The following CACNA1E variants were observed in gnomAD, a reference collection of about 807,000 sequenced individuals.
The protein encoded by CACNA1E is voltage-dependent R-type calcium channel subunit alpha-1E.
In CACNA1E, 40 loss-of-function variants were observed where a neutral mutation model predicts 259.2. The ratio of observed to expected loss-of-function variants is 0.15; its 90% CI spans 0.12 to 0.20. The LOEUF is 0.20. CACNA1E is among the 10% of genes least tolerant of loss of function. The pLI, the probability that CACNA1E is intolerant of heterozygous loss-of-function variation, is 1.00. For missense variants in CACNA1E, 1,874 were observed against 3,040.1 expected (o/e 0.62, Z 9.02); for synonymous variants, 1,104 against 1,138.5 (o/e 0.97, Z 0.61).
chr1:181,348,897 A>G (rs1390055323), intron 1 of CACNA1E, among the ~76,000 whole-genome samples: 2 of 152,136 alleles, frequency 1.3e-5, no homozygotes, highest in African/African-American at 2.4e-5. Context: ...TGAAGGCACA[A>G]TGGGATGTGG....
chr1:181,511,017 A>C (rs756770093), intron 2 of CACNA1E, among the ~76,000 whole-genome samples: 5 of 152,246 alleles, frequency 3.3e-5, no homozygotes, highest in Non-Finnish European at 7.3e-5. Context: ...CAAACTGCCT[A>C]AAATTCACGT....
intron 22 of CACNA1E, 25 bp from the exon 23 acceptor site, chr1:181,737,500 G>T: frequency 6.2e-7 from 1 of 1,612,782 alleles, no homozygotes; most frequent in Non-Finnish European, 8.5e-7. Flanking sequence ...GAGTGGGCCA[G>T]CTCAGCCATG....
chr1:181,331,112 G>A lies in CACNA1E; in HGVS notation c.-15+12989G>A, dbSNP rs1651224104. Among the ~76,000 whole-genome samples the A allele has an allele frequency of 2.6e-5, 4 of 152,254 alleles. No homozygotes were observed. The South Asian group carries it at 8.3e-4, about 32-fold the overall frequency. On this transcript the variant is annotated intron_variant, in intron 1 of 11. Transcript: ENST00000524607. ...TAAACAAGCATATAAAGTATTTGTG[G>A]GAGGCAGACGGTGCAGATTGCCTTG... is the stretch of plus-strand genomic sequence containing the variant.
chr1:181,593,494 T>C (rs1375929469), intron 6 of CACNA1E, among the ~76,000 whole-genome samples: 2 of 152,250 alleles, frequency 1.3e-5, no homozygotes, highest in Non-Finnish European at 2.9e-5. Flanking sequence ...TGTGAATAAC[T>C]GGTGAAACCT....
At chr1:181,416,835 A>G (rs560229966) in intron 2 of CACNA1E, among the ~76,000 whole-genome samples, 13 of 152,248 alleles carry the variant, frequency 8.5e-5, no homozygotes, top group African/African-American at 3.1e-4. Flanking sequence ...CTCCCAAGTC[A>G]CTTGCTTCAT....
At chr1:181,731,998 G>C (rs183939611) in intron 19 of CACNA1E, among the ~76,000 whole-genome samples, 9 of 151,934 alleles carry the variant, frequency 5.9e-5, no homozygotes, top group African/African-American at 1.9e-4. Context: ...CTTTGACCTT[G>C]AATCAAGGGC....
In CACNA1E at chr1:181,575,024, CAA is replaced by C. The variant is rs55919598; in HGVS notation, c.513-2730_513-2729del. Among the ~76,000 whole-genome samples, 919 of 147,468 alleles carry C rather than the reference CAA, an allele frequency of 6.2e-3. 7 individuals are homozygous for C. Among genetic ancestry groups the C allele is most frequent in the African/African-American group, 0.021 (835 of 39,874 alleles). ...TGGATGACAGAGCAAGACTCTGTCT[CAA>C]AAAAAAAAAAAGAATCCCATTGTCC... On this transcript the variant is annotated intron_variant, in intron 3 of 47. Coordinates refer to ENST00000367573, the MANE Select transcript of CACNA1E (RefSeq NM_001205293.3).
intron 1 of CACNA1E, among the ~76,000 whole-genome samples, chr1:181,506,059 G>A (rs1183585630): frequency 1.3e-5 from 2 of 152,202 alleles, no homozygotes; most frequent in Admixed American, 1.3e-4. Context: ...TATGCACAGT[G>A]TCAGGCACAG....
chr1:181,504,852 G>A (rs1302961144), intron 1 of CACNA1E, among the ~76,000 whole-genome samples: 2 of 152,202 alleles, frequency 1.3e-5, no homozygotes, highest in Non-Finnish European at 2.9e-5. Context: ...TTTCCCTAAT[G>A]ATTGTCTTGA....
At chr1:181,490,762 G>T (rs978843175) in intron 1 of CACNA1E, among the ~76,000 whole-genome samples, 12 of 152,118 alleles carry the variant, frequency 7.9e-5, no homozygotes, top group African/African-American at 2.9e-4. Flanking sequence ...ATTAAAGGGG[G>T]GTGTCATCTT....
In CACNA1E at chr1:181,790,486, C is replaced by G; in HGVS notation, c.5828C>G (p.Pro1943Arg). ...TACCCTTCGATGAGTCCACTCTCTC[C>G]CCAGGATATATTCCAGTTGGCTTGT... is the stretch of plus-strand genomic sequence containing the variant. ...SGYPSMSPLS[P>R]QDIFQLACMD... The change falls in exon 44 of 48, where the codon CCC (proline) becomes CGC (arginine). Residue 1943 changes from proline to arginine, a missense_variant. Pro to Arg is a moderately radical substitution (Grantham distance 103). Coordinates refer to ENST00000367573, the MANE Select transcript of CACNA1E (RefSeq NM_001205293.3). 6.2e-7 allele frequency: 1 copy of G among 1,613,588 alleles called. No individual in the cohort carries two copies. The highest frequency in any genetic ancestry group is 8.5e-7 in the Non-Finnish European group (1 of 1,179,556).
intron 1 of CACNA1E, among the ~76,000 whole-genome samples, chr1:181,489,158 A>C (rs566731795): frequency 1.3e-5 from 2 of 152,150 alleles, no homozygotes; most frequent in Non-Finnish European, 2.9e-5. Flanking sequence ...GACTCTGCTG[A>C]TCTTATTTTG....
chr1:181,628,301 A>G (rs545971562), intron 6 of CACNA1E, among the ~76,000 whole-genome samples: 1 of 152,320 alleles, frequency 6.6e-6, no homozygotes, highest in South Asian at 2.1e-4. Flanking sequence ...GGGTTTACAG[A>G]GTGGATACAG....
chr1:181,395,320 T>C (rs1656595005), intron 1 of CACNA1E, among the ~76,000 whole-genome samples: 2 of 152,116 alleles, frequency 1.3e-5, no homozygotes, highest in Non-Finnish European at 2.9e-5. Context: ...CAGAAGGAGA[T>C]TGTGAAGCAG....
intron 1 of CACNA1E, among the ~76,000 whole-genome samples, chr1:181,396,662 C>T (rs976660049): frequency 2.0e-5 from 3 of 152,156 alleles, no homozygotes; most frequent in Admixed American, 6.5e-5. Flanking sequence ...AAATTGATGA[C>T]GCAGAAGAGA....
chr1:181,772,244 G>T lies in CACNA1E; in HGVS notation c.5139+13G>T. The T allele has an allele frequency of 6.2e-7, 1 of 1,610,020 alleles. No individual in the cohort carries two copies. The highest frequency in any genetic ancestry group is 8.5e-7 in the Non-Finnish European group (1 of 1,177,430). On this transcript the variant is annotated intron_variant, in intron 37 of 47. Transcript: ENST00000367573. ...CTGCTCCTTCTTGGTGAGCAACATT[G>T]TGCTTTTGCCTTGCTATGTGGCCCA...
At chr1:181,321,755 T>C (rs1280533432) in intron 1 of CACNA1E, among the ~76,000 whole-genome samples, 3 of 152,130 alleles carry the variant, frequency 2.0e-5, no homozygotes, top group African/African-American at 4.8e-5. Flanking sequence ...AGGACGGAGA[T>C]TGGGTCAGGA....
At chr1:181,773,534 T>TAAAG (rs1045650377) in intron 37 of CACNA1E, among the ~76,000 whole-genome samples, 4 of 152,220 alleles carry the variant, frequency 2.6e-5, no homozygotes, top group African/African-American at 9.6e-5. Flanking sequence ...GTATAATGTA[T>TAAAG]AAAGAAAAAA....
At position 181,591,215 on chromosome 1, in the gene CACNA1E, G is replaced by A. The variant is rs1652610149; in HGVS notation, c.951+10439G>A. ...CACTGGCTTAATTCTTTTCTTTGTG[G>A]AGACCTTGGAGTCAATCTCCCTTTG... On this transcript the variant is annotated intron_variant, in intron 6 of 47. Coordinates refer to ENST00000367573, the MANE Select transcript of CACNA1E (RefSeq NM_001205293.3). 2.0e-5 allele frequency among the ~76,000 whole-genome samples: 3 copies of A among 152,200 alleles called. 1 individual carries two copies. The South Asian group carries it at 6.2e-4, about 32-fold the overall frequency.
Sources: allele counts gnomAD v4.1 joint callset (sites outside exome capture counted in the v4.1 genomes callset), GRCh38; gene constraint gnomAD v4.1.1; transcripts MANE v1.5; gene names NCBI Gene and HGNC (gene_info 2026-07-23, HGNC 2026-07-21).